CDH8: variants seen among roughly 807,000 people sequenced by gnomAD.
The protein encoded by CDH8 is cadherin 8.
A neutral mutation model predicts 68.1 loss-of-function variants in CDH8; 17 were observed. The observed-to-expected ratio is 0.25, with a 90% CI of 0.17 to 0.37. The LOEUF (loss-of-function observed/expected upper bound fraction) is 0.37. Among genes scored for constraint, CDH8 ranks in the 10% least tolerant of loss-of-function variants. The pLI, the probability that CDH8 is intolerant of heterozygous loss-of-function variation, is 1.00. For synonymous variants in CDH8, 372 were observed against 365.1 expected, an observed-to-expected ratio of 1.02 and a Z score of -0.21; for missense variants, 763 against 999.3, an observed-to-expected ratio of 0.76 and a Z score of 3.19.
intron 10 of CDH8, among the ~76,000 whole-genome samples, chr16:61,712,260 G>A (rs1464297568): frequency 4.6e-5 from 7 of 151,448 alleles, no homozygotes; most frequent in South Asian, 2.1e-4. Context: ...TAATAAATAC[G>A]TGTCAAAATT....
intron 2 of CDH8, among the ~76,000 whole-genome samples, chr16:61,957,770 A>G (rs973913758): frequency 2.0e-5 from 3 of 151,624 alleles, no homozygotes; most frequent in African/African-American, 7.3e-5. Flanking sequence ...CTGGTTTCTC[A>G]CTCTTCAATT....
chr16:61,666,206 G>GTGTA (rs372906173), intron 10 of CDH8, among the ~76,000 whole-genome samples: 4,487 of 145,482 alleles, frequency 0.031, 214 homozygotes, highest in East Asian at 0.18. Context: ...GTGTGTGTGT[G>GTGTA]TATATATATA....
chr16:61,934,925 C>T (rs1287722992), intron 2 of CDH8, among the ~76,000 whole-genome samples: 2 of 152,274 alleles, frequency 1.3e-5, no homozygotes, highest in African/African-American at 2.4e-5. Context: ...ACATCTCATG[C>T]CAAGTCCAAA....
At chr16:61,982,650 T>C (rs889152354) in intron 2 of CDH8, among the ~76,000 whole-genome samples, 2 of 152,208 alleles carry the variant, frequency 1.3e-5, no homozygotes, top group Non-Finnish European at 2.9e-5. Flanking sequence ...TATTAAGCTC[T>C]TTAAAAAATG....
At chr16:61,686,764 T>C (rs927173992) in intron 10 of CDH8, among the ~76,000 whole-genome samples, 1 of 151,972 alleles carries the variant, frequency 6.6e-6, no homozygotes, top group African/African-American at 2.4e-5. Context: ...CTGGGTTTTG[T>C]GTTTCTTTAT....
At chr16:61,732,494 T>C (rs1392280470) in intron 8 of CDH8, among the ~76,000 whole-genome samples, 2 of 151,784 alleles carry the variant, frequency 1.3e-5, no homozygotes, top group African/African-American at 4.8e-5. Flanking sequence ...GAAACATAAC[T>C]GTCAGCCAGG....
chr16:61,677,215 T>C (rs1963930181), intron 10 of CDH8, among the ~76,000 whole-genome samples: 1 of 150,886 alleles, frequency 6.6e-6, no homozygotes, highest in Non-Finnish European at 1.5e-5. Context: ...CTTCATCGTC[T>C]TTCCCAGAAA....
chr16:61,823,019 C>A (rs1379090330), intron 5 of CDH8, among the ~76,000 whole-genome samples: 4 of 151,890 alleles, frequency 2.6e-5, no homozygotes, highest in Admixed American at 2.6e-4. Context: ...AATATGGCAT[C>A]TTGCAGTATT....
chr16:61,723,019 A>T (rs4340324), intron 9 of CDH8, among the ~76,000 whole-genome samples: 64,086 of 150,342 alleles, frequency 0.43, 13,930 homozygotes, highest in African/African-American at 0.49. Context: ...AAACTGCCTG[A>T]CACCTCTCAA....
chr16:61,736,179 A>T (rs938997271), intron 8 of CDH8, among the ~76,000 whole-genome samples: 8 of 141,410 alleles, frequency 5.7e-5, no homozygotes, highest in Non-Finnish European at 1.2e-4. Flanking sequence ...AAAGAAAGAA[A>T]GGTGGACAAT....
intron 8 of CDH8, among the ~76,000 whole-genome samples, chr16:61,750,754 T>C (rs1333437770): frequency 6.6e-6 from 1 of 152,182 alleles, no homozygotes; most frequent in Non-Finnish European, 1.5e-5. Context: ...CTCATGCTAA[T>C]ATCCATATTT....
At chr16:61,876,847 T>C (rs1963472100) in intron 3 of CDH8, among the ~76,000 whole-genome samples, 1 of 152,134 alleles carries the variant, frequency 6.6e-6, no homozygotes, top group Non-Finnish European at 1.5e-5. Context: ...ACATTTGGTA[T>C]ACGGATCAGC....
At chr16:61,712,944 T>C (rs974488116) in intron 10 of CDH8, among the ~76,000 whole-genome samples, 4 of 151,552 alleles carry the variant, frequency 2.6e-5, no homozygotes, top group Admixed American at 2.6e-4. Flanking sequence ...GGAACAGATA[T>C]CATGAATCAA....
In CDH8 at chr16:61,990,305, CTTTTTTT is replaced by C. The variant is rs71134381; in HGVS notation, c.252+30840_252+30846del. On this transcript the variant is annotated intron_variant, in intron 2 of 11. Transcript: ENST00000577390. The stretch of plus-strand genomic sequence containing the variant: ...TAGTAATAAGATTCTTGAAGAAGTC[CTTTTTTT>C]TTTTTTTTTTTTTTTTTTTTGAGAC... Among the ~76,000 whole-genome samples, 33 of 83,008 alleles carry C rather than the reference CTTTTTTT, an allele frequency of 4.0e-4. No individual in the cohort carries two copies. The East Asian group carries it at 8.6e-3, about 22-fold the overall frequency. The allele number at this position is 83,008 out of a possible 152,430, so 54.5% of individuals were successfully genotyped here. A position where few individuals can be genotyped will look rare whatever the true frequency, so the allele number is the denominator to read the frequency against.
At chr16:61,899,403 G>A (rs1039339343) in intron 3 of CDH8, among the ~76,000 whole-genome samples, 2 of 152,054 alleles carry the variant, frequency 1.3e-5, no homozygotes, top group African/African-American at 4.8e-5. Context: ...ATGGGGCAAG[G>A]CATATGATTT....
In CDH8 at chr16:61,835,715, T is replaced by C. The variant is rs145892677; in HGVS notation, c.668-10536A>G. On this transcript the variant is annotated intron_variant, in intron 4 of 11. Transcript: ENST00000577390. ...TTCTGTGAAGAACATGATGGCACTA[T>C]TCTTTCCTTAAGCCACAATTCCAAT... Among the ~76,000 whole-genome samples, 1,216 of 152,140 alleles carry C rather than the reference T, an allele frequency of 8.0e-3. 18 individuals carry two copies. The highest frequency in any genetic ancestry group is 0.028 in the African/African-American group (1,144 of 41,532).
At chr16:61,789,548 C>T (rs997793191) in intron 7 of CDH8, 66 bp from the exon 8 acceptor site, 2 of 1,392,576 alleles carry the variant, frequency 1.4e-6, no homozygotes, top group Non-Finnish European at 1.9e-6. Context: ...CACAGCAGAC[C>T]TTTAGTAATC....
At chr16:61,885,727 AG>A (rs1208998619) in intron 3 of CDH8, among the ~76,000 whole-genome samples, 8 of 145,128 alleles carry the variant, frequency 5.5e-5, no homozygotes, top group Admixed American at 6.9e-5. Context: ...AAAAAAAAAA[AG>A]GAATCTTAGG....
intron 2 of CDH8, among the ~76,000 whole-genome samples, chr16:62,002,146 A>G (rs1440407806): frequency 6.6e-6 from 1 of 152,112 alleles, no homozygotes; most frequent in Non-Finnish European, 1.5e-5. Flanking sequence ...TTACCCAATA[A>G]TTTGTCAACA....
Sources: gnomAD v4.1 joint callset for allele counts (sites outside exome capture counted in the v4.1 genomes callset) on GRCh38, gnomAD v4.1.1 for gene constraint, MANE v1.5 for transcripts, NCBI Gene and HGNC (gene_info 2026-07-23, HGNC 2026-07-21) for gene names.